CELF4: variants seen among roughly 807,000 people sequenced by gnomAD.
CELF4 encodes CUG-BP- and ETR-3-like factor 4.
CELF4 carries 18 observed loss-of-function variants against 59.9 expected under a neutral mutation model. That is an observed-to-expected ratio of 0.30 (90% CI 0.21 to 0.45). The LOEUF (loss-of-function observed/expected upper bound fraction) is 0.45. Ranked by LOEUF, CELF4 falls within the 20% of genes least tolerant of loss-of-function variation. CELF4 has a pLI of 1.00. For synonymous variants in CELF4, 261 were observed against 267.1 expected, an observed-to-expected ratio of 0.98 and a Z score of 0.22; for missense variants, 456 against 689.0, an observed-to-expected ratio of 0.66 and a Z score of 3.79.
intron 2 of CELF4, among the ~76,000 whole-genome samples, chr18:37,451,646 G>A (rs1445981381): frequency 1.3e-5 from 2 of 152,178 alleles, no homozygotes; most frequent in African/African-American, 4.8e-5. Context: ...GCTAGCGCGT[G>A]TTCACAGCTC....
chr18:37,450,884 G>A (rs1481849279), intron 2 of CELF4, among the ~76,000 whole-genome samples: 1 of 152,184 alleles, frequency 6.6e-6, no homozygotes, highest in Non-Finnish European at 1.5e-5. Context: ...TGGTTTTTCA[G>A]GAGTGGGAAG....
intron 2 of CELF4, among the ~76,000 whole-genome samples, chr18:37,343,640 G>C (rs1006501964): frequency 1.3e-5 from 2 of 151,992 alleles, no homozygotes; most frequent in Non-Finnish European, 2.9e-5. Flanking sequence ...AGTGCAGGAA[G>C]GGACTGCCTG....
intron 2 of CELF4, among the ~76,000 whole-genome samples, chr18:37,424,001 C>G (rs1417559815): frequency 1.3e-5 from 2 of 152,106 alleles, no homozygotes; most frequent in African/African-American, 4.8e-5. Context: ...GAGAAGCCTT[C>G]TAGGACTCAT....
intron 1 of CELF4, among the ~76,000 whole-genome samples, chr18:37,540,269 T>G (rs1053326767): frequency 1.2e-4 from 19 of 152,370 alleles, no homozygotes; most frequent in African/African-American, 4.3e-4. Context: ...ACTGGCTCCC[T>G]GGCCCCAGCC....
At chr18:37,370,709 G>A (rs1334722629) in intron 2 of CELF4, among the ~76,000 whole-genome samples, 1 of 152,062 alleles carries the variant, frequency 6.6e-6, no homozygotes, top group Non-Finnish European at 1.5e-5. Flanking sequence ...TTTTCCTTAG[G>A]ACCACCCTGG....
chr18:37,265,617 T>A (rs571366587), intron 9 of CELF4, among the ~76,000 whole-genome samples: 1 of 152,266 alleles, frequency 6.6e-6, no homozygotes, highest in African/African-American at 2.4e-5. Flanking sequence ...ATTGTCCAAC[T>A]GGAAAGGGCC....
At chr18:37,248,572 A>C (rs2063490417) in intron 12 of CELF4, among the ~76,000 whole-genome samples, 1 of 145,774 alleles carries the variant, frequency 6.9e-6, no homozygotes, top group African/African-American at 2.6e-5. Flanking sequence ...CTCTTTTCCC[A>C]CCCTCTCACC....
chr18:37,338,815 C>T (rs1016823412), intron 2 of CELF4, among the ~76,000 whole-genome samples: 4 of 150,452 alleles, frequency 2.7e-5, no homozygotes, highest in East Asian at 2.0e-4. Context: ...TCTACCTTCA[C>T]AGGGTGGCTT....
chr18:37,545,121 G>A (rs1383432592), intron 1 of CELF4, among the ~76,000 whole-genome samples: 1 of 152,190 alleles, frequency 6.6e-6, no homozygotes, highest in Non-Finnish European at 1.5e-5. Flanking sequence ...GGCCTCAGCT[G>A]CAGGAAGACC....
At chr18:37,509,836 G>A (rs2099942253) in intron 1 of CELF4, among the ~76,000 whole-genome samples, 1 of 152,148 alleles carries the variant, frequency 6.6e-6, no homozygotes, top group Non-Finnish European at 1.5e-5. Flanking sequence ...CCATCAAAAG[G>A]AAGATAATTC....
In CELF4 at chr18:37,505,169, A is replaced by C. The variant is rs556700635; in HGVS notation, c.287-19562T>G. Among the ~76,000 whole-genome samples, 56 of 152,046 alleles carry C rather than the reference A, an allele frequency of 3.7e-4. 2 individuals carry two copies. The South Asian group carries it at 0.011, about 31-fold the overall frequency. On this transcript the variant is annotated intron_variant, in intron 1 of 12. Coordinates refer to ENST00000420428, the MANE Select transcript of CELF4 (RefSeq NM_020180.4). Reference sequence around the variant, plus strand: ...TGTCCCAGAGGGAAGTGAGGTCCTCATATGACTGGTGTCTCGCATGGCTGA... The same window carrying C: ...TGTCCCAGAGGGAAGTGAGGTCCTCCTATGACTGGTGTCTCGCATGGCTGA...
chr18:37,301,001 A>G (rs7240169), intron 3 of CELF4, among the ~76,000 whole-genome samples: 31,217 of 152,148 alleles, frequency 0.21, 5,283 homozygotes, highest in African/African-American at 0.47. Context: ...CTTCCATGTA[A>G]GTGAGGATGA....
At chr18:37,432,621 C>T (rs780892493) in intron 2 of CELF4, among the ~76,000 whole-genome samples, 27 of 152,308 alleles carry the variant, frequency 1.8e-4, no homozygotes, top group Non-Finnish European at 2.8e-4. Flanking sequence ...TATTCTCACT[C>T]ATGTGGTTTG....
intron 2 of CELF4, among the ~76,000 whole-genome samples, chr18:37,459,306 T>C (rs1027496769): frequency 2.0e-5 from 3 of 152,190 alleles, no homozygotes; most frequent in Non-Finnish European, 2.9e-5. Flanking sequence ...CTCAGTCATC[T>C]CTCTAAAGCC....
At chr18:37,275,087 G>T in intron 4 of CELF4, 28 bp downstream of exon 4, 12 of 1,609,218 alleles carry the variant, frequency 7.5e-6, no homozygotes, top group African/African-American at 1.3e-5. Context: ...TCCCTCCGGG[G>T]CATCCCTCCC....
intron 2 of CELF4, among the ~76,000 whole-genome samples, chr18:37,436,259 CCA>C (rs1390411339): frequency 6.6e-6 from 1 of 152,134 alleles, no homozygotes; most frequent in Non-Finnish European, 1.5e-5. Context: ...AAGACGGTAA[CCA>C]CGAACTCGGG....
At chr18:37,412,177 T>C (rs2099469619) in intron 2 of CELF4, among the ~76,000 whole-genome samples, 1 of 152,190 alleles carries the variant, frequency 6.6e-6, no homozygotes, top group Non-Finnish European at 1.5e-5. Context: ...GAGCCGAATG[T>C]CCATTGCTGG....
intron 2 of CELF4, among the ~76,000 whole-genome samples, chr18:37,345,699 A>G (rs1238696965): frequency 2.0e-5 from 3 of 152,118 alleles, no homozygotes; most frequent in Non-Finnish European, 4.4e-5. Flanking sequence ...CCCCACCTCA[A>G]GAACCTTTTG....
At chr18:37,295,270 T>A (rs1466651017) in intron 3 of CELF4, among the ~76,000 whole-genome samples, 2 of 152,240 alleles carry the variant, frequency 1.3e-5, no homozygotes, top group African/African-American at 4.8e-5. Flanking sequence ...CTCAAAGATG[T>A]CATCCAGTGG....
Sources: allele counts gnomAD v4.1 joint callset (sites outside exome capture counted in the v4.1 genomes callset), GRCh38; gene constraint gnomAD v4.1.1; transcripts MANE v1.5; gene names NCBI Gene and HGNC (gene_info 2026-07-23, HGNC 2026-07-21).